DEPDC5: variants seen among roughly 807,000 people sequenced by gnomAD.
The protein encoded by DEPDC5 is DEP domain containing 5, GATOR1 subcomplex subunit, also known as GATOR1 complex protein DEPDC5.
In DEPDC5, 73 loss-of-function variants were observed where a neutral mutation model predicts 217.3. The observed-to-expected ratio is 0.34, with a 90% CI of 0.28 to 0.41. DEPDC5 has a LOEUF of 0.41. Among genes scored for constraint, DEPDC5 ranks in the 10% least tolerant of loss-of-function variants. The probability of loss-of-function intolerance (pLI) is 1.00; values close to 1 mark genes in which losing one functional copy is unlikely to be tolerated. For missense variants in DEPDC5, 1,675 were observed against 2,070.1 expected, an observed-to-expected ratio of 0.81 and a Z score of 3.70; for synonymous variants, 733 against 756.7, an observed-to-expected ratio of 0.97 and a Z score of 0.51.
intron 38 of DEPDC5, 188 bp downstream of exon 38, chr22:31,879,940 T>C: frequency 1.6e-6 from 1 of 607,474 alleles, no homozygotes; most frequent in South Asian, 1.9e-5. Flanking sequence ...GTTTTATGAC[T>C]GTCCCAACCA....
At chr22:31,791,576 G>A (rs1422756590) in intron 10 of DEPDC5, among the ~76,000 whole-genome samples, 1 of 146,910 alleles carries the variant, frequency 6.8e-6, no homozygotes, top group African/African-American at 2.5e-5. Context: ...GCTGCAATGA[G>A]CCGAGATTGT....
Position 31,797,626 on chromosome 22 carries a change from A to G in DEPDC5, c.794A>G (p.Glu265Gly). The part of the protein sequence containing the change: ...YKVVVQNERR[E>G]EWTSLLVTIK... ...GTGGTGGTGCAGAATGAGAGAAGAG[A>G]AGAATGGACTTCACTTCTCGTAACC... The change falls in exon 13 of 43, where the codon GAA (glutamate) becomes GGA (glycine). Residue 265 changes from glutamate to glycine, a missense_variant. By Grantham distance (98) the Glu-to-Gly change is moderately conservative (BLOSUM62 -2). Coordinates refer to ENST00000651528, the MANE Select transcript of DEPDC5 (RefSeq NM_001242896.3). 6.2e-7 allele frequency: 1 copy of G among 1,613,858 alleles called. No individual in the cohort carries two copies. The highest frequency in any genetic ancestry group is 8.5e-7 in the Non-Finnish European group (1 of 1,179,784).
chr22:31,893,925 A>G lies in DEPDC5; in HGVS notation c.4203+174A>G, dbSNP rs2093493569. The G allele has an allele frequency of 1.3e-5, 10 of 749,880 alleles. No individual in the cohort carries two copies. The Admixed American group carries it at 1.9e-4, about 14-fold the overall frequency. The allele number at this position is 749,880 out of a possible 1,614,324, so 46.5% of individuals were successfully genotyped here. A position where few individuals can be genotyped will look rare whatever the true frequency, so the allele number is the denominator to read the frequency against. On this transcript the variant is annotated intron_variant, in intron 39 of 42. Coordinates refer to ENST00000651528, the MANE Select transcript of DEPDC5 (RefSeq NM_001242896.3). ...TTAAACATAGTAAAAATTTTAAGCA[A>G]TCAAAAAAGGTAGAATCAGGGTTTC...
At chr22:31,892,939 G>A (rs370531516) in intron 38 of DEPDC5, among the ~76,000 whole-genome samples, 350 of 147,050 alleles carry the variant, frequency 2.4e-3, no homozygotes, top group African/African-American at 7.3e-3. Context: ...GCAATGGCGC[G>A]ATCTCGGCTC....
In DEPDC5 at chr22:31,754,853, C is replaced by G; in HGVS notation, c.-60-9C>G. The stretch of plus-strand genomic sequence containing the variant: ...CATTCCAACCTTTTCGTTTGTATTT[C>G]TGTGGCAGGGAGGCAAGATGACTTC... On this transcript the variant is annotated splice_polypyrimidine_tract_variant and intron_variant, in intron 1 of 42. Coordinates refer to ENST00000651528, the MANE Select transcript of DEPDC5 (RefSeq NM_001242896.3). 1 of 1,569,660 alleles carries G rather than the reference C, an allele frequency of 6.4e-7. No individual in the cohort carries two copies. The highest frequency in any genetic ancestry group is 1.7e-5 in the Admixed American group (1 of 58,622).
At chr22:31,762,194 T>A (rs1310781308) in intron 4 of DEPDC5, among the ~76,000 whole-genome samples, 5 of 152,090 alleles carry the variant, frequency 3.3e-5, no homozygotes, top group African/African-American at 7.2e-5. Flanking sequence ...GCCCACCACA[T>A]TGTGCAAGGT....
Position 31,811,434 on chromosome 22 carries a change from G to C in DEPDC5, c.1445+793G>C, listed in dbSNP as rs944149607. On this transcript the variant is annotated intron_variant, in intron 20 of 42. Coordinates refer to ENST00000651528, the MANE Select transcript of DEPDC5 (RefSeq NM_001242896.3). ...AATTCCAGAATCTTCCTCTCACTGG[G>C]CTGGCTCTATCCTTGGACACAGCGT... Among the ~76,000 whole-genome samples, 6 of 152,194 alleles carry C rather than the reference G, an allele frequency of 3.9e-5. No individual in the cohort carries two copies. The East Asian group carries it at 1.2e-3, about 29-fold the overall frequency.
At chr22:31,851,279 G>T (rs1169301122) in intron 31 of DEPDC5, among the ~76,000 whole-genome samples, 1 of 152,182 alleles carries the variant, frequency 6.6e-6, no homozygotes, top group Non-Finnish European at 1.5e-5. Flanking sequence ...GTTAACAGTT[G>T]ATAAGACACT....
At chr22:31,891,735 C>G (rs1191416136) in intron 38 of DEPDC5, among the ~76,000 whole-genome samples, 1 of 152,148 alleles carries the variant, frequency 6.6e-6, no homozygotes, top group East Asian at 1.9e-4. Context: ...AACCCTAGGT[C>G]TGGGGGTACA....
rs111712349 is a variant in DEPDC5, at chr22:31,764,722, T to C, written c.194-253T>C. On this transcript the variant is annotated intron_variant, in intron 4 of 42. Transcript: ENST00000651528. Reference sequence around the variant, plus strand: ...TTAGCCACCATACCCAGCCTCTTCCTTCTTAAATTCTTTATTTTCCCTCCC... The same window carrying C: ...TTAGCCACCATACCCAGCCTCTTCCCTCTTAAATTCTTTATTTTCCCTCCC... 0.023 allele frequency among the ~76,000 whole-genome samples: 3,510 copies of C among 152,250 alleles called. 117 individuals carry two copies. The highest frequency in any genetic ancestry group is 0.074 in the African/African-American group (3,056 of 41,540).
intron 6 of DEPDC5, among the ~76,000 whole-genome samples, chr22:31,768,133 G>T (rs759170458): frequency 1.3e-5 from 2 of 150,716 alleles, no homozygotes; most frequent in African/African-American, 2.4e-5. Flanking sequence ...GGAACAGGTG[G>T]TGTTTGGTTA....
intron 34 of DEPDC5, among the ~76,000 whole-genome samples, chr22:31,871,985 G>A (rs549122100): frequency 1.3e-5 from 2 of 152,284 alleles, no homozygotes; most frequent in Middle Eastern, 3.4e-3. Context: ...TCATTTCAAG[G>A]GTCTTTGAAA....
chr22:31,887,428 A>AAAAAAAAC (rs1427269807), intron 38 of DEPDC5, among the ~76,000 whole-genome samples: 1 of 151,456 alleles, frequency 6.6e-6, no homozygotes, highest in East Asian at 1.9e-4. Context: ...TCAAAAAAAA[A>AAAAAAAAC]AAAAAAAAAA....
At chr22:31,779,151 A>G (rs1482593612) in intron 8 of DEPDC5, among the ~76,000 whole-genome samples, 1 of 152,202 alleles carries the variant, frequency 6.6e-6, no homozygotes, top group Non-Finnish European at 1.5e-5. Flanking sequence ...TTCTCCAGAC[A>G]TGCCAAATGT....
At position 31,779,877 on chromosome 22, in the gene DEPDC5, G is replaced by C. The variant is rs990059204; in HGVS notation, c.483+1709G>C. ...TCACCTCCATATTCCAGGCAGAGGA[G>C]AGAGGAAGGGAAGAGAGACAAGAGA... On this transcript the variant is annotated intron_variant, in intron 8 of 42. Transcript: ENST00000651528. 2.6e-5 allele frequency among the ~76,000 whole-genome samples: 4 copies of C among 152,136 alleles called. No individual in the cohort carries two copies. In the East Asian group the frequency reaches 7.7e-4, roughly 29 times the overall value.
In DEPDC5 at chr22:31,814,974, T is replaced by G; in HGVS notation, c.1446-18T>G. 1 of 1,613,734 alleles carries G rather than the reference T, an allele frequency of 6.2e-7. No homozygotes were observed. Among genetic ancestry groups the G allele is most frequent in the South Asian group, 1.1e-5 (1 of 91,076 alleles). ...GCATCCCTCGCTTGATGGTAACTTT[T>G]TGTCTCTTGCCTGGCAGATCTGTGC... On this transcript the variant is annotated intron_variant, in intron 20 of 42. Coordinates refer to ENST00000651528, the MANE Select transcript of DEPDC5 (RefSeq NM_001242896.3).
intron 33 of DEPDC5, among the ~76,000 whole-genome samples, chr22:31,864,515 TA>T (rs1400829319): frequency 7.1e-6 from 1 of 139,880 alleles, no homozygotes; most frequent in Non-Finnish European, 1.5e-5. Flanking sequence ...TATATATATA[TA>T]TATATATATT....
chr22:31,768,274 G>A (rs2083003426), intron 6 of DEPDC5, among the ~76,000 whole-genome samples: 1 of 151,786 alleles, frequency 6.6e-6, no homozygotes, highest in Non-Finnish European at 1.5e-5. Context: ...TCAGAATTAT[G>A]AACTGGTTCT....
chr22:31,776,657 A>G (rs978408169), intron 7 of DEPDC5, among the ~76,000 whole-genome samples: 4 of 147,898 alleles, frequency 2.7e-5, no homozygotes, highest in African/African-American at 5.0e-5. Context: ...GCTTACTGCA[A>G]TCTCTGCCTC....
Sources: allele counts gnomAD v4.1 joint callset (sites outside exome capture counted in the v4.1 genomes callset), GRCh38; gene constraint gnomAD v4.1.1; transcripts MANE v1.5; gene names NCBI Gene and HGNC (gene_info 2026-07-23, HGNC 2026-07-21).